Variants in ASAP1 observed in about 807,000 individuals in gnomAD.
ASAP1 encodes arf-GAP with SH3 domain, ANK repeat and PH domain-containing protein 1.
Under a neutral mutation model 145.2 loss-of-function variants are expected in ASAP1, and 43 were observed. The ratio of observed to expected loss-of-function variants is 0.30; its 90% CI spans 0.23 to 0.38. The LOEUF (loss-of-function observed/expected upper bound fraction) is 0.38. Among genes scored for constraint, ASAP1 ranks in the 10% least tolerant of loss-of-function variants. The pLI is 1.00. For missense variants in ASAP1, 1,018 were observed against 1,355.3 expected, an observed-to-expected ratio of 0.75 and a Z score of 3.91; for synonymous variants, 546 against 515.5, an observed-to-expected ratio of 1.06 and a Z score of -0.80.
At chr8:130,423,636 C>T (rs771353738) in intron 1 of ASAP1, among the ~76,000 whole-genome samples, 1 of 151,932 alleles carries the variant, frequency 6.6e-6, no homozygotes, top group African/African-American at 2.4e-5. Context: ...AAGGAGAGTC[C>T]CTATATATTA....
chr8:130,158,488 C>A (rs1368619873), intron 12 of ASAP1, among the ~76,000 whole-genome samples: 1 of 152,040 alleles, frequency 6.6e-6, no homozygotes, highest in African/African-American at 2.4e-5. Flanking sequence ...TGTACTCCAG[C>A]CTGGAAGACA....
chr8:130,116,943 T>A lies in ASAP1; in HGVS notation c.1933A>T (p.Ser645Cys). 1 of 1,613,872 alleles carries A rather than the reference T, an allele frequency of 6.2e-7. No homozygotes were observed. Among genetic ancestry groups the A allele is most frequent in the Non-Finnish European group, 8.5e-7 (1 of 1,179,938 alleles). ...AAACACTCAGGTTTACTGTACATACTACAGTAGTGTAGAACTGTGTTTCCC... is the reference window on the plus strand; with the variant it reads ...AAACACTCAGGTTTACTGTACATACAACAGTAGTGTAGAACTGTGTTTCCC... ...ALGNTVLHYC[S>C]MYSKPECLKL... The change falls in exon 21 of 30, where the codon AGT becomes TGT. Residue 645 changes from serine to cysteine, a missense_variant. By Grantham distance (112) the Ser-to-Cys change is moderately radical. Around this residue, in one of 9 missense-constraint regions of ASAP1, gnomAD observed 353 missense variants for 375.4 expected, o/e 0.94. Coordinates refer to ENST00000518721, the MANE Select transcript of ASAP1 (RefSeq NM_018482.4).
Position 130,321,650 on chromosome 8 carries a change from T to C in ASAP1, c.186+36367A>G, listed in dbSNP as rs182171485. On this transcript the variant is annotated intron_variant, in intron 3 of 29. Transcript: ENST00000518721. The stretch of plus-strand genomic sequence containing the variant: ...ACACTTGTGCATAGTTTGCACTCCT[T>C]TGTATTTCCATGGTTGCTTAAATAT... Among the ~76,000 whole-genome samples the C allele has an allele frequency of 4.3e-3, 653 of 152,292 alleles. 7 individuals carry two copies. The highest frequency in any genetic ancestry group is 4.4e-3 in the Non-Finnish European group (300 of 68,012).
chr8:130,305,204 C>A (rs1822917766), intron 3 of ASAP1, among the ~76,000 whole-genome samples: 1 of 152,186 alleles, frequency 6.6e-6, no homozygotes, highest in Admixed American at 6.5e-5. Context: ...CACCTACTGA[C>A]ACCTAACATA....
At chr8:130,235,175 T>C (rs903601419) in intron 4 of ASAP1, among the ~76,000 whole-genome samples, 4 of 152,272 alleles carry the variant, frequency 2.6e-5, no homozygotes, top group African/African-American at 9.6e-5. Context: ...TTCTCTCTTT[T>C]TCAAAGGGGT....
At chr8:130,073,621 C>T (rs1332982888) in intron 27 of ASAP1, among the ~76,000 whole-genome samples, 1 of 152,160 alleles carries the variant, frequency 6.6e-6, no homozygotes, top group Non-Finnish European at 1.5e-5. Context: ...AACACAAGTA[C>T]ATAGCGTTCC....
chr8:130,072,818 T>TGCGCGC (rs1564927913), intron 27 of ASAP1, among the ~76,000 whole-genome samples: 3 of 26,222 alleles, frequency 1.1e-4, no homozygotes, highest in South Asian at 2.0e-3. Context: ...TGTGTGTGTG[T>TGCGCGC]GTGTGTGCGC....
At chr8:130,137,210 A>G (rs1209236202) in intron 13 of ASAP1, among the ~76,000 whole-genome samples, 172 bp from the exon 14 acceptor site, 1 of 152,252 alleles carries the variant, frequency 6.6e-6, no homozygotes, top group East Asian at 1.9e-4. Flanking sequence ...TTGCTGCAAG[A>G]AGACAACAGA....
intron 27 of ASAP1, among the ~76,000 whole-genome samples, chr8:130,062,463 A>G (rs1472583223): frequency 7.2e-5 from 11 of 152,154 alleles, no homozygotes; most frequent in Non-Finnish European, 2.9e-5. Flanking sequence ...GCTTGGCTCT[A>G]AAAGTTAATT....
chr8:130,076,887 G>A (rs1436684180), intron 26 of ASAP1, among the ~76,000 whole-genome samples: 2 of 151,476 alleles, frequency 1.3e-5, no homozygotes, highest in Non-Finnish European at 3.0e-5. Context: ...AGGAGGCACA[G>A]TAAAAGGATG....
intron 4 of ASAP1, among the ~76,000 whole-genome samples, chr8:130,220,678 C>T (rs1282783164): frequency 6.6e-6 from 1 of 151,972 alleles, no homozygotes; most frequent in Admixed American, 6.6e-5. Context: ...TGTATTAGTC[C>T]GTTCTCACAC....
At chr8:130,378,785 T>G (rs1275962348) in intron 2 of ASAP1, among the ~76,000 whole-genome samples, 1 of 152,208 alleles carries the variant, frequency 6.6e-6, no homozygotes. Flanking sequence ...CAAATGCATA[T>G]TAGCAGTTCT....
intron 1 of ASAP1, among the ~76,000 whole-genome samples, chr8:130,441,458 T>A (rs1469241706): frequency 6.6e-6 from 1 of 152,034 alleles, no homozygotes; most frequent in Non-Finnish European, 1.5e-5. Flanking sequence ...AGTGGTTGGG[T>A]GAAAAAACGG....
chr8:130,412,622 CTAG>C (rs915454915), intron 1 of ASAP1, among the ~76,000 whole-genome samples: 124 of 152,016 alleles, frequency 8.2e-4, no homozygotes, highest in African/African-American at 2.8e-3. Flanking sequence ...TAATACGAGT[CTAG>C]CAGAATAAAT....
intron 3 of ASAP1, among the ~76,000 whole-genome samples, chr8:130,287,052 G>C (rs1375333964): frequency 6.6e-6 from 1 of 152,166 alleles, no homozygotes; most frequent in Non-Finnish European, 1.5e-5. Flanking sequence ...TGCTCAGAGA[G>C]GAGCAGTTAG....
chr8:130,399,888 C>T (rs12678062), intron 2 of ASAP1, among the ~76,000 whole-genome samples: 47,842 of 149,114 alleles, frequency 0.32, 8,458 homozygotes, highest in African/African-American at 0.46. Flanking sequence ...GGCGCAATCT[C>T]GGCTCACCAA....
At chr8:130,413,752 T>C (rs1488109608) in intron 1 of ASAP1, among the ~76,000 whole-genome samples, 1 of 152,222 alleles carries the variant, frequency 6.6e-6, no homozygotes, top group Non-Finnish European at 1.5e-5. Flanking sequence ...ATGGAATCCC[T>C]ATATATCTGC....
intron 3 of ASAP1, among the ~76,000 whole-genome samples, chr8:130,254,047 G>A (rs1192143947): frequency 2.6e-5 from 4 of 152,124 alleles, no homozygotes; most frequent in South Asian, 4.1e-4. Flanking sequence ...ACAATAAAAC[G>A]TCTTGGTCCT....
At chr8:130,203,599 G>C (rs1242791452) in intron 5 of ASAP1, among the ~76,000 whole-genome samples, 1 of 152,186 alleles carries the variant, frequency 6.6e-6, no homozygotes, top group East Asian at 1.9e-4. Context: ...GAATCGGCTA[G>C]GAAGAGTGGG....
Sources: gnomAD v4.1 joint callset for allele counts (sites outside exome capture counted in the v4.1 genomes callset) on GRCh38, gnomAD v4.1.1 for gene constraint, gnomAD v4.1.1 regional missense constraint, MANE v1.5 for transcripts, NCBI Gene and HGNC (gene_info 2026-07-23, HGNC 2026-07-21) for gene names.